Variants in DGKB observed in about 807,000 individuals in gnomAD.
DGKB encodes the protein diacylglycerol kinase beta.
In DGKB, 67 loss-of-function variants were observed where a neutral mutation model predicts 114.3. The ratio of observed to expected loss-of-function variants is 0.59; its 90% CI spans 0.48 to 0.72. DGKB has a LOEUF of 0.72. Ranked by LOEUF, DGKB falls within the 30% of genes least tolerant of loss-of-function variation. DGKB has a pLI of 0.00. For synonymous variants in DGKB, 398 were observed against 323.1 expected (o/e 1.23, Z -2.49); for missense variants, 907 against 975.2 (o/e 0.93, Z 0.93).
chr7:14,929,947 C>T (rs772625999), intron 1 of DGKB, among the ~76,000 whole-genome samples: 1 of 152,114 alleles, frequency 6.6e-6, no homozygotes. Flanking sequence ...TACAGCAATC[C>T]AATTTTTCCA....
At position 14,572,736 on chromosome 7, in the gene DGKB, G is replaced by T. The variant is rs148899600; in HGVS notation, c.1770+1476C>A. On this transcript the variant is annotated intron_variant, in intron 20 of 25. Transcript: ENST00000402815. ...CAGAATCCTATTCAACAGCAAAAAGGGAAACAATATTTATACAGTTCATAT... is the reference window on the plus strand; with the variant it reads ...CAGAATCCTATTCAACAGCAAAAAGTGAAACAATATTTATACAGTTCATAT... 2.6e-5 allele frequency among the ~76,000 whole-genome samples: 4 copies of T among 152,114 alleles called. No homozygotes were observed. In the East Asian group the frequency reaches 5.8e-4, roughly 22 times the overall value.
chr7:14,701,592 T>C, intron 7 of DGKB, 89 bp downstream of exon 7: 1 of 930,726 alleles, frequency 1.1e-6, no homozygotes, highest in East Asian at 2.4e-5. Context: ...TAAGTGTGCC[T>C]TCTGTGGTAA....
At chr7:14,296,020 T>C (rs1053888437) in intron 23 of DGKB, among the ~76,000 whole-genome samples, 2 of 148,198 alleles carry the variant, frequency 1.3e-5, no homozygotes, top group East Asian at 2.0e-4. Flanking sequence ...TTCATGTCCC[T>C]GCAAAGGTCA....
intron 1 of DGKB, among the ~76,000 whole-genome samples, chr7:14,892,644 C>T (rs926012234): frequency 2.6e-5 from 4 of 151,156 alleles, no homozygotes; most frequent in East Asian, 1.9e-4. Flanking sequence ...GATCATAGTA[C>T]ATGACTCTGG....
intron 23 of DGKB, among the ~76,000 whole-genome samples, chr7:14,272,056 A>G (rs1450951913): frequency 6.6e-6 from 1 of 152,214 alleles, no homozygotes; most frequent in Non-Finnish European, 1.5e-5. Flanking sequence ...AAACCAGTAG[A>G]TAACCATACA....
chr7:14,731,641 G>C (rs1200298798), intron 5 of DGKB, among the ~76,000 whole-genome samples: 2 of 152,128 alleles, frequency 1.3e-5, no homozygotes, highest in African/African-American at 4.8e-5. Flanking sequence ...ACTGATATGG[G>C]AGATGACAAT....
chr7:14,973,733 A>G (rs75941405), intron 1 of DGKB, among the ~76,000 whole-genome samples: 3,760 of 149,226 alleles, frequency 0.025, 165 homozygotes, highest in African/African-American at 0.087. Context: ...ATTACAGCCC[A>G]TATTATATAT....
In DGKB at chr7:14,468,064, G is replaced by T. The variant is rs946996579; in HGVS notation, c.1835+10097C>A. Among the ~76,000 whole-genome samples, 6 of 151,994 alleles carry T rather than the reference G, an allele frequency of 3.9e-5. No individual in the cohort carries two copies. In the East Asian group the frequency reaches 1.2e-3, roughly 29 times the overall value. ...ATTCTTATTATATTATTGATAGAAT[G>T]AATCCTAACACATCTATATATTAGA... On this transcript the variant is annotated intron_variant, in intron 21 of 25. Coordinates refer to ENST00000402815, the MANE Select transcript of DGKB (RefSeq NM_001350709.2).
intron 20 of DGKB, among the ~76,000 whole-genome samples, chr7:14,532,215 A>T (rs1473330118): frequency 6.7e-6 from 1 of 150,070 alleles, no homozygotes; most frequent in African/African-American, 2.4e-5. Context: ...TTCACAAGGA[A>T]CAACAAGAAA....
At chr7:14,584,383 A>T (rs1347317581) in intron 17 of DGKB, among the ~76,000 whole-genome samples, 1 of 152,134 alleles carries the variant, frequency 6.6e-6, no homozygotes, top group Admixed American at 6.6e-5. Flanking sequence ...AAAATATTCC[A>T]TTACATCATT....
intron 4 of DGKB, chr7:14,749,987 C>T (rs1230089301): frequency 4.7e-6 from 2 of 426,718 alleles, no homozygotes; most frequent in African/African-American, 4.1e-5. Flanking sequence ...ATGACACAGT[C>T]TTTTACCTTA....
At position 14,317,445 on chromosome 7, in the gene DGKB, T is replaced by C. The variant is rs1018162237; in HGVS notation, c.2122+21070A>G. ...AAGCAACTTCAGCAAAGTCTCAGGA[T>C]ACAAAATCAATGTGCAAAAATCACA... On this transcript the variant is annotated intron_variant, in intron 23 of 25. Coordinates refer to ENST00000402815, the MANE Select transcript of DGKB (RefSeq NM_001350709.2). Among the ~76,000 whole-genome samples the C allele has an allele frequency of 3.3e-5, 5 of 149,782 alleles. No individual in the cohort carries two copies. The East Asian group carries it at 9.9e-4, about 30-fold the overall frequency.
intron 1 of DGKB, among the ~76,000 whole-genome samples, chr7:14,890,172 G>C (rs1416580232): frequency 1.3e-5 from 2 of 151,562 alleles, no homozygotes; most frequent in South Asian, 2.1e-4. Flanking sequence ...TTGTGTTCCA[G>C]ACAAAATGAC....
intron 2 of DGKB, among the ~76,000 whole-genome samples, chr7:14,834,004 A>G (rs1179418254): frequency 6.6e-6 from 1 of 152,142 alleles, no homozygotes; most frequent in East Asian, 1.9e-4. Context: ...TGAATAATGA[A>G]TACAGTTAAG....
intron 14 of DGKB, among the ~76,000 whole-genome samples, chr7:14,622,548 A>C (rs1807847766): frequency 6.6e-6 from 1 of 152,136 alleles, no homozygotes; most frequent in South Asian, 2.1e-4. Flanking sequence ...TAAAATGTCC[A>C]AGATTAGTTT....
chr7:14,828,222 C>T (rs1845951605), intron 2 of DGKB, among the ~76,000 whole-genome samples: 1 of 152,038 alleles, frequency 6.6e-6, no homozygotes, highest in Admixed American at 6.6e-5. Flanking sequence ...CAGTTAAGAG[C>T]TGGTGGGAGT....
chr7:14,331,914 T>C lies in DGKB; in HGVS notation c.2122+6601A>G, dbSNP rs200058948. Among the ~76,000 whole-genome samples the C allele has an allele frequency of 4.6e-5, 7 of 152,240 alleles. No homozygotes were observed. The East Asian group carries it at 1.4e-3, about 29-fold the overall frequency. ...GACAGCCAATCAGATACACAGTCTC[T>C]CCCAACAGTGCATAGAGAGATCAAA... On this transcript the variant is annotated intron_variant, in intron 23 of 25. Coordinates refer to ENST00000402815, the MANE Select transcript of DGKB (RefSeq NM_001350709.2).
At chr7:14,643,980 T>C (rs919465163) in intron 13 of DGKB, among the ~76,000 whole-genome samples, 2 of 152,232 alleles carry the variant, frequency 1.3e-5, no homozygotes, top group Non-Finnish European at 2.9e-5. Flanking sequence ...CCAACACCCA[T>C]GCCTACAAAT....
At chr7:14,893,388 T>C (rs1307752871) in intron 1 of DGKB, among the ~76,000 whole-genome samples, 1 of 151,480 alleles carries the variant, frequency 6.6e-6, no homozygotes, top group Non-Finnish European at 1.5e-5. Flanking sequence ...CAGGTTTCTG[T>C]TGCTGTTTTC....
Sources: allele counts gnomAD v4.1 joint callset (sites outside exome capture counted in the v4.1 genomes callset), GRCh38; gene constraint gnomAD v4.1.1; transcripts MANE v1.5; gene names NCBI Gene and HGNC (gene_info 2026-07-23, HGNC 2026-07-21).